The following OR7C1 variants were observed in gnomAD, a reference collection of about 807,000 sequenced individuals.
OR7C1 encodes olfactory receptor family 7 subfamily C member 1, also known as olfactory receptor 7C1.
For synonymous variants in OR7C1, 152 were observed against 160.7 expected (o/e 0.95, Z 0.41); for missense variants, 324 against 383.3 (o/e 0.85, Z 1.29).
At chr19:14,799,145 G>A in exon 5 of OR7C1, 2 of 1,560,050 alleles carry the variant, frequency 1.3e-6, no homozygotes, top group Non-Finnish European at 1.7e-6. Flanking sequence ...ACCACCAAAA[G>A]TGCCTCCCAA....
At chr19:14,818,446 A>G (rs189754452) in intron 1 of OR7C1, among the ~76,000 whole-genome samples, 28 of 151,718 alleles carry the variant, frequency 1.8e-4, no homozygotes, top group African/African-American at 6.6e-4. Flanking sequence ...TCCAGATGAA[A>G]AAAATATGTT....
rs139787817 is a variant in OR7C1, at chr19:14,807,968, A to G, written c.-435+1838T>C. ...AAAAATTGCTCAAAAATTTCTCTAC[A>G]TCCTCACCAACATATTTTTTTATTT... On this transcript the variant is annotated intron_variant, in intron 2 of 4. Coordinates refer to ENST00000641666, the Ensembl canonical transcript of OR7C1. 8.2e-3 allele frequency among the ~76,000 whole-genome samples: 1,221 copies of G among 149,710 alleles called. 36 individuals are homozygous for G. The highest frequency in any genetic ancestry group is 0.052 in the East Asian group (268 of 5,120).
intron 2 of OR7C1, among the ~76,000 whole-genome samples, chr19:14,803,481 T>C (rs1048584495): frequency 2.0e-5 from 3 of 152,092 alleles, no homozygotes; most frequent in Non-Finnish European, 4.4e-5. Flanking sequence ...AAAGGGAAGA[T>C]GGAGTCACCA....
chr19:14,803,711 A>T lies in OR7C1; in HGVS notation c.-434-2947T>A, dbSNP rs552993606. Among the ~76,000 whole-genome samples, 257 of 150,782 alleles carry T rather than the reference A, an allele frequency of 1.7e-3. 2 individuals are homozygous for T. The highest frequency in any genetic ancestry group is 0.01 in the Middle Eastern group (3 of 292). ...TATCTACCTAAATAATAATAATAAT[A>T]ATAATTTTTTTTTTTTGAGACGGAG... On this transcript the variant is annotated intron_variant, in intron 2 of 4. Coordinates refer to ENST00000641666, the Ensembl canonical transcript of OR7C1.
exon 4 of OR7C1, chr19:14,800,359 C>A: frequency 2.0e-6 from 1 of 489,100 alleles, no homozygotes. Context: ...ATACTTGTAC[C>A]CTCTATAGCC....
exon 5 of OR7C1, chr19:14,799,351 A>G (rs1014537588): frequency 2.5e-6 from 4 of 1,614,240 alleles, no homozygotes; most frequent in Non-Finnish European, 3.4e-6. Context: ...GTGTGGCTGC[A>G]GAACTGAGAT....
At chr19:14,811,532 A>C (rs2044690854) in intron 1 of OR7C1, among the ~76,000 whole-genome samples, 1 of 151,908 alleles carries the variant, frequency 6.6e-6, no homozygotes, top group Non-Finnish European at 1.5e-5. Flanking sequence ...TCTTCATCCA[A>C]ATAAGGCTAC....
intron 1 of OR7C1, among the ~76,000 whole-genome samples, chr19:14,834,235 A>T (rs1013376546): frequency 6.6e-6 from 1 of 152,168 alleles, no homozygotes; most frequent in African/African-American, 2.4e-5. Flanking sequence ...GCATTCCAGT[A>T]GTAGCATGGA....
Position 14,818,062 on chromosome 19 carries a change from TTTTATTTA to T in OR7C1, c.-622-8077_-622-8070del, listed in dbSNP as rs372783648. ...GTTAATAAGTCATACATTTTATTTATTTTATTTATTTATTTATTTATTTATTTATTTAT... is the reference window on the plus strand; with the variant it reads ...GTTAATAAGTCATACATTTTATTTATTTTATTTATTTATTTATTTATTTAT... On this transcript the variant is annotated intron_variant, in intron 1 of 4. Coordinates refer to ENST00000641666, the Ensembl canonical transcript of OR7C1. 3.0e-3 allele frequency among the ~76,000 whole-genome samples: 421 copies of T among 139,462 alleles called. 6 individuals carry two copies. The South Asian group carries it at 0.054, about 18-fold the overall frequency. The allele number at this position is 139,462 out of a possible 152,430, so 91.5% of individuals were successfully genotyped here.
chr19:14,829,641 C>T (rs1013198261), intron 1 of OR7C1, among the ~76,000 whole-genome samples: 2 of 152,180 alleles, frequency 1.3e-5, no homozygotes, highest in Non-Finnish European at 2.9e-5. Flanking sequence ...CATCAAGGGA[C>T]AAAGTGTCCA....
At chr19:14,834,999 G>T (rs1351873705) in intron 1 of OR7C1, 75 bp downstream of exon 1, 2 of 152,216 alleles carry the variant, frequency 1.3e-5, no homozygotes, top group Admixed American at 1.3e-4. Context: ...GCTCTCAGGT[G>T]ATCTCAGGTA....
At chr19:14,806,344 T>C (rs935528865) in intron 2 of OR7C1, among the ~76,000 whole-genome samples, 3 of 151,972 alleles carry the variant, frequency 2.0e-5, no homozygotes, top group African/African-American at 7.3e-5. Flanking sequence ...CAGTCATTAA[T>C]GTATTTTATG....
chr19:14,829,989 A>C (rs1045946875), intron 1 of OR7C1, among the ~76,000 whole-genome samples: 2 of 152,160 alleles, frequency 1.3e-5, no homozygotes, highest in Admixed American at 6.5e-5. Context: ...CAGCCTCCCA[A>C]GTAGTTGGGA....
At chr19:14,809,286 G>A (rs1057123519) in intron 2 of OR7C1, among the ~76,000 whole-genome samples, 1 of 151,868 alleles carries the variant, frequency 6.6e-6, no homozygotes, top group Non-Finnish European at 1.5e-5. Context: ...CACTCACAAT[G>A]CTTCATAAAT....
intron 1 of OR7C1, among the ~76,000 whole-genome samples, chr19:14,816,635 G>C (rs2044717583): frequency 6.6e-6 from 1 of 152,086 alleles, no homozygotes; most frequent in African/African-American, 2.4e-5. Flanking sequence ...TGAGGTTGTG[G>C]GACTCAGATT....
intron 1 of OR7C1, chr19:14,826,734 T>C (rs776007142): frequency 1.3e-5 from 2 of 152,252 alleles, no homozygotes; most frequent in Non-Finnish European, 2.9e-5. Flanking sequence ...CTTACCGTAC[T>C]ATGCCAGGGA....
Position 14,806,083 on chromosome 19 carries a change from G to A in OR7C1, c.-435+3723C>T, listed in dbSNP as rs146909178. 2.6e-5 allele frequency among the ~76,000 whole-genome samples: 4 copies of A among 151,994 alleles called. 1 individual carries two copies. The highest frequency in any genetic ancestry group is 1.3e-4 in the Admixed American group (2 of 15,282). ...TACTATTTAGAGTCTAAATGTTCTTGTCACTCAATGAGATGTGCTTTAACT... is the reference window on the plus strand; with the variant it reads ...TACTATTTAGAGTCTAAATGTTCTTATCACTCAATGAGATGTGCTTTAACT... On this transcript the variant is annotated intron_variant, in intron 2 of 4. Coordinates refer to ENST00000641666, the Ensembl canonical transcript of OR7C1.
chr19:14,820,390 G>A, intron 1 of OR7C1, among the ~76,000 whole-genome samples: 1 of 145,546 alleles, frequency 6.9e-6, no homozygotes. Flanking sequence ...ACACATGGGG[G>A]CCTGTTGGGG....
chr19:14,815,208 T>C (rs1349560001), intron 1 of OR7C1, among the ~76,000 whole-genome samples: 1 of 152,228 alleles, frequency 6.6e-6, no homozygotes, highest in Non-Finnish European at 1.5e-5. Context: ...GACCACTGAC[T>C]GTGGACTGGC....
Sources: allele counts gnomAD v4.1 joint callset (sites outside exome capture counted in the v4.1 genomes callset), GRCh38; gene constraint gnomAD v4.1.1; transcripts MANE v1.5; gene names NCBI Gene and HGNC (gene_info 2026-07-23, HGNC 2026-07-21).